Variants in PRKAR2A observed in about 807,000 individuals in gnomAD.
The protein encoded by PRKAR2A is protein kinase cAMP-dependent type II regulatory subunit alpha, also known as cAMP-dependent protein kinase type II-alpha regulatory subunit.
In PRKAR2A, 29 loss-of-function variants were observed where a neutral mutation model predicts 51.9. That is an observed-to-expected ratio of 0.56 (90% CI 0.42 to 0.76). The LOEUF is 0.76. Among genes scored for constraint, PRKAR2A ranks in the 30% least tolerant of loss-of-function variants. The pLI is 0.00. For missense variants in PRKAR2A, 445 were observed against 512.1 expected, an observed-to-expected ratio of 0.87 and a Z score of 1.26; for synonymous variants, 178 against 186.2, an observed-to-expected ratio of 0.96 and a Z score of 0.36.
At chr3:48,820,696 TA>T (rs1194813000) in intron 1 of PRKAR2A, among the ~76,000 whole-genome samples, 6 of 152,156 alleles carry the variant, frequency 3.9e-5, no homozygotes, top group African/African-American at 1.4e-4. Context: ...ACCTACCTCA[TA>T]GGGTTGCTGC....
At chr3:48,838,613 A>G (rs1365620399) in intron 1 of PRKAR2A, among the ~76,000 whole-genome samples, 1 of 151,234 alleles carries the variant, frequency 6.6e-6, no homozygotes, top group Non-Finnish European at 1.5e-5. Context: ...TCTTTAAAAA[A>G]AAAAAAGAAA....
chr3:48,772,307 C>T (rs1001384575), intron 6 of PRKAR2A, among the ~76,000 whole-genome samples: 1 of 152,068 alleles, frequency 6.6e-6, no homozygotes, highest in African/African-American at 2.4e-5. Context: ...AGTGCAGTGG[C>T]GTGATCTTGG....
At chr3:48,751,835 ACTTGC>A in intron 10 of PRKAR2A, 117 bp from the exon 11 acceptor site, 1 of 1,228,794 alleles carries the variant, frequency 8.1e-7, no homozygotes, top group Non-Finnish European at 1.1e-6. Flanking sequence ...GACACCAGCC[ACTTGC>A]AAAAAGGGAT....
chr3:48,807,436 CAA>C (rs551948013), intron 2 of PRKAR2A, among the ~76,000 whole-genome samples: 9 of 152,086 alleles, frequency 5.9e-5, no homozygotes, highest in Admixed American at 3.3e-4. Context: ...GACATAAACG[CAA>C]AGAGACAAAC....
At chr3:48,787,596 G>A (rs1172296891) in intron 4 of PRKAR2A, among the ~76,000 whole-genome samples, 1 of 152,168 alleles carries the variant, frequency 6.6e-6, no homozygotes, top group Non-Finnish European at 1.5e-5. Context: ...TTTACAAGAG[G>A]TTTTATTCAC....
intron 1 of PRKAR2A, among the ~76,000 whole-genome samples, chr3:48,823,434 T>C (rs1478211649): frequency 6.6e-6 from 1 of 151,242 alleles, no homozygotes; most frequent in Non-Finnish European, 1.5e-5. Flanking sequence ...CTGCTTGGTG[T>C]GTGGAGGAAA....
chr3:48,832,858 A>G (rs908178401), intron 1 of PRKAR2A, among the ~76,000 whole-genome samples: 2 of 152,166 alleles, frequency 1.3e-5, no homozygotes, highest in Non-Finnish European at 2.9e-5. Context: ...AAATAATTCC[A>G]TTCTTTGACA....
intron 8 of PRKAR2A, 21 bp from the exon 9 acceptor site, chr3:48,756,465 G>A (rs1255320675): frequency 2.5e-6 from 4 of 1,590,324 alleles, no homozygotes; most frequent in Non-Finnish European, 3.5e-6. Context: ...AGAGAGGTCA[G>A]GTCAGAGCCA....
chr3:48,817,680 A>C (rs1466312302), intron 1 of PRKAR2A, among the ~76,000 whole-genome samples: 2 of 149,666 alleles, frequency 1.3e-5, no homozygotes, highest in Non-Finnish European at 3.0e-5. Context: ...AAATAAATAA[A>C]AATAAAAAAT....
Position 48,748,464 on chromosome 3 carries a change from T to C in PRKAR2A, c.*3121A>G, listed in dbSNP as rs1354378185. 6.6e-6 allele frequency: 1 copy of C among 152,054 alleles called. No homozygotes were observed. The highest frequency in any genetic ancestry group is 1.5e-5 in the Non-Finnish European group (1 of 68,054). 9.4% of individuals were successfully genotyped at this position (152,054 alleles called of 1,614,324 possible). A position where few individuals can be genotyped will look rare whatever the true frequency, so the allele number is the denominator to read the frequency against. On this transcript the variant is annotated 3_prime_UTR_variant, in exon 11 of 11. Transcript: ENST00000265563. ...AGGATGACTTAAACCTGATCAATTCTACTCCAAAACAGCAACTATCATTAA... is the reference window on the plus strand; with the variant it reads ...AGGATGACTTAAACCTGATCAATTCCACTCCAAAACAGCAACTATCATTAA...
At chr3:48,755,023 A>C (rs2081737059) in intron 9 of PRKAR2A, among the ~76,000 whole-genome samples, 1 of 134,330 alleles carries the variant, frequency 7.4e-6, no homozygotes, top group African/African-American at 2.9e-5. Context: ...TTTGAGACAG[A>C]GTCTTGCTCT....
At position 48,790,208 on chromosome 3, in the gene PRKAR2A, A is replaced by G. The variant is rs552619622; in HGVS notation, c.435+336T>C. 2.0e-5 allele frequency among the ~76,000 whole-genome samples: 3 copies of G among 152,188 alleles called. No homozygotes were observed. The South Asian group carries it at 6.2e-4, about 32-fold the overall frequency. ...TGGCAGTAGAGCAGGACAGCATGAGACTCATCACACTACTCGGAATGGCAT... is the reference window on the plus strand; with the variant it reads ...TGGCAGTAGAGCAGGACAGCATGAGGCTCATCACACTACTCGGAATGGCAT... On this transcript the variant is annotated intron_variant, in intron 4 of 10. Transcript: ENST00000265563.
At chr3:48,755,397 A>G (rs1287022004) in intron 9 of PRKAR2A, among the ~76,000 whole-genome samples, 1 of 151,880 alleles carries the variant, frequency 6.6e-6, no homozygotes, top group Non-Finnish European at 1.5e-5. Flanking sequence ...CTCAAAAAAG[A>G]AAAAAAAGAA....
chr3:48,781,499 G>A (rs897227746), intron 5 of PRKAR2A, among the ~76,000 whole-genome samples: 2 of 151,188 alleles, frequency 1.3e-5, no homozygotes, highest in African/African-American at 4.9e-5. Flanking sequence ...ACACCACCAC[G>A]CCCGGTTACT....
intron 6 of PRKAR2A, among the ~76,000 whole-genome samples, chr3:48,772,545 A>C (rs1019835327): frequency 3.3e-5 from 5 of 151,978 alleles, no homozygotes; most frequent in African/African-American, 1.2e-4. Context: ...TCTATTCTTG[A>C]GTTTTTCAAT....
intron 8 of PRKAR2A, among the ~76,000 whole-genome samples, chr3:48,760,330 C>T (rs1181920202): frequency 1.3e-5 from 2 of 152,112 alleles, no homozygotes; most frequent in Non-Finnish European, 2.9e-5. Flanking sequence ...GCACTCCAGC[C>T]TGGACAACAA....
chr3:48,761,261 G>A (rs952580210), intron 8 of PRKAR2A, among the ~76,000 whole-genome samples: 2 of 152,102 alleles, frequency 1.3e-5, no homozygotes, highest in African/African-American at 4.8e-5. Flanking sequence ...TAGCCTGGGT[G>A]ACAGAGGGAG....
At chr3:48,828,948 C>T (rs956700127) in intron 1 of PRKAR2A, among the ~76,000 whole-genome samples, 19 of 151,806 alleles carry the variant, frequency 1.3e-4, no homozygotes, top group African/African-American at 4.3e-4. Flanking sequence ...ATTCTCCTGC[C>T]TCAGCCTCCC....
chr3:48,829,141 G>A (rs907327389), intron 1 of PRKAR2A, among the ~76,000 whole-genome samples: 1 of 151,882 alleles, frequency 6.6e-6, no homozygotes, highest in Non-Finnish European at 1.5e-5. Context: ...CAGCTCAAGT[G>A]AGGCAGGTAG....
Sources: allele counts gnomAD v4.1 joint callset (sites outside exome capture counted in the v4.1 genomes callset), GRCh38; gene constraint gnomAD v4.1.1; transcripts MANE v1.5; gene names NCBI Gene and HGNC (gene_info 2026-07-23, HGNC 2026-07-21).